MPC2: variants seen among roughly 807,000 people sequenced by gnomAD.
MPC2 encodes the protein mitochondrial pyruvate carrier 2, also known as brain protein 44.
MPC2 carries 19 observed loss-of-function variants against 19.2 expected under a neutral mutation model. That is an observed-to-expected ratio of 0.99 (90% CI 0.69 to 1.45). MPC2 has a LOEUF of 1.45. Ranked by LOEUF, MPC2 falls within the 40% of genes most tolerant of loss-of-function variation. The pLI is 0.00. For synonymous variants in MPC2, 61 were observed against 54.3 expected (o/e 1.12, Z -0.54); for missense variants, 122 against 153.0 (o/e 0.80, Z 1.07).
chr1:167,935,609 C>CT, intron 2 of MPC2, 124 bp downstream of exon 2: 3 of 751,038 alleles, frequency 4.0e-6, no homozygotes, highest in Non-Finnish European at 6.8e-6. Context: ...GACGGCTTCA[C>CT]TTGAAGGGAA....
At chr1:167,933,145 G>A (rs550325416) in intron 2 of MPC2, among the ~76,000 whole-genome samples, 1 of 150,932 alleles carries the variant, frequency 6.6e-6, no homozygotes, top group East Asian at 1.9e-4. Flanking sequence ...ACTAAAATAT[G>A]TATCTATACA....
chr1:167,936,869 C>CCCCACGCGGTGGTCTCCCCT, intron 1 of MPC2, 70 bp downstream of exon 1: 1 of 1,503,634 alleles, frequency 6.7e-7, no homozygotes, highest in Non-Finnish European at 9.1e-7. Context: ...TCCTCCCCTC[C>CCCCACGCGGTGGTCTCCCCT]CCCACGCGGT....
intron 4 of MPC2, 56 bp downstream of exon 4, chr1:167,920,491 A>C (rs1470280889): frequency 3.8e-6 from 6 of 1,569,866 alleles, no homozygotes; most frequent in Non-Finnish European, 4.3e-6. Context: ...GATATAAAAG[A>C]AAACAAAAAT....
chr1:167,918,418 G>A, intron 5 of MPC2, 59 bp from the exon 6 acceptor site: 4 of 1,085,850 alleles, frequency 3.7e-6, no homozygotes, highest in Non-Finnish European at 4.1e-6. Context: ...TTTATGGTAA[G>A]GAGAGAATGG....
Position 167,920,078 on chromosome 1 carries a change from G to T in MPC2, c.248C>A (p.Ser83Ter). The part of the protein sequence containing the change: ...AVLMATGFIW[S>*]RYSLVIIPKN... ...TGGAATAATTACAAGTGAGTATCTTGACCAAATAAACCCTGTTGAAACAAA... is the reference window on the plus strand; with the variant it reads ...TGGAATAATTACAAGTGAGTATCTTTACCAAATAAACCCTGTTGAAACAAA... Residue 83 changes from serine (S) to a stop codon, truncating the protein, a stop_gained, in exon 5 of 6, where the codon TCA becomes TAA. Transcript: ENST00000271373. LOFTEE classifies it high-confidence loss of function. The T allele has an allele frequency of 6.2e-7, 1 of 1,608,774 alleles. No homozygotes were observed. Among genetic ancestry groups the T allele is most frequent in the Non-Finnish European group, 8.5e-7 (1 of 1,177,200 alleles).
chr1:167,924,965 C>T (rs1670696142), intron 2 of MPC2, among the ~76,000 whole-genome samples: 1 of 152,144 alleles, frequency 6.6e-6, no homozygotes, highest in East Asian at 1.9e-4. Flanking sequence ...TAACATTAAG[C>T]AGCAAAATTT....
At chr1:167,934,588 T>A (rs569135081) in intron 2 of MPC2, among the ~76,000 whole-genome samples, 139 of 152,346 alleles carry the variant, frequency 9.1e-4, no homozygotes, top group Admixed American at 2.9e-3. Context: ...GATGTTCAAT[T>A]CATTCCATTA....
At chr1:167,934,497 G>C (rs78979111) in intron 2 of MPC2, among the ~76,000 whole-genome samples, 4,514 of 152,242 alleles carry the variant, frequency 0.03, 199 homozygotes, top group African/African-American at 0.1. Context: ...TTTTAAATCA[G>C]TAACAAACTG....
At chr1:167,918,579 C>T (rs1330566817) in intron 5 of MPC2, among the ~76,000 whole-genome samples, 1 of 146,984 alleles carries the variant, frequency 6.8e-6, no homozygotes, top group East Asian at 2.0e-4. Context: ...ATAATAAGAG[C>T]ACAACTGCCA....
intron 2 of MPC2, among the ~76,000 whole-genome samples, chr1:167,933,052 T>C (rs1670956614): frequency 6.6e-6 from 1 of 151,906 alleles, no homozygotes. Flanking sequence ...TGGCAGATCA[T>C]GACATGCCAG....
rs1045641339 is a variant in MPC2 at position 167,931,542 on chromosome 1, T to C, written c.109+4191A>G. Reference sequence around the variant, plus strand: ...GTATTTAAACTTAATATATTAAATATACACTTAAGAATATATATGGACATA... The same window carrying C: ...GTATTTAAACTTAATATATTAAATACACACTTAAGAATATATATGGACATA... On this transcript the variant is annotated intron_variant, in intron 2 of 5. Coordinates refer to ENST00000271373, the MANE Select transcript of MPC2 (RefSeq NM_001143674.4). Among the ~76,000 whole-genome samples, 18 of 151,932 alleles carry C rather than the reference T, an allele frequency of 1.2e-4. No homozygotes were observed. In the South Asian group the frequency reaches 3.3e-3, roughly 28 times the overall value.
Position 167,918,163 on chromosome 1 carries a change from A to G in MPC2, c.*160T>C. 1 of 562,252 alleles carries G rather than the reference A, an allele frequency of 1.8e-6. No homozygotes were observed. The highest frequency in any genetic ancestry group is 3.1e-6 in the Non-Finnish European group (1 of 319,186). The allele number at this position is 562,252 out of a possible 1,614,324, so 34.8% of individuals were successfully genotyped here. A position where few individuals can be genotyped will look rare whatever the true frequency, so the allele number is the denominator to read the frequency against. On this transcript the variant is annotated 3_prime_UTR_variant, in exon 6 of 6. Coordinates refer to ENST00000271373, the MANE Select transcript of MPC2 (RefSeq NM_001143674.4). ...CCTTAAGTCATGTAGAGAGACTGTT[A>G]TTAAAAGTTTGCTGCATTTTTCTAT...
At chr1:167,920,687 T>A in intron 3 of MPC2, 56 bp from the exon 4 acceptor site, 1 of 1,514,732 alleles carries the variant, frequency 6.6e-7, no homozygotes, top group Non-Finnish European at 8.9e-7. Flanking sequence ...GTAATAGTTT[T>A]AACTTTAAAT....
rs1671354385 is a variant in MPC2, at chr1:167,937,029, G to T, written c.-148C>A. ...CCTGGGTGAGCGGGGGCCCCGGGGCGGAGGCGCTGAGGTCGCCGCCTAGAG... is the reference window on the plus strand; with the variant it reads ...CCTGGGTGAGCGGGGGCCCCGGGGCTGAGGCGCTGAGGTCGCCGCCTAGAG... On this transcript the variant is annotated 5_prime_UTR_variant, in exon 1 of 6. Coordinates refer to ENST00000271373, the MANE Select transcript of MPC2 (RefSeq NM_001143674.4). 1 of 1,594,494 alleles carries T rather than the reference G, an allele frequency of 6.3e-7. No individual in the cohort carries two copies. The highest frequency in any genetic ancestry group is 1.3e-5 in the African/African-American group (1 of 74,676).
intron 2 of MPC2, among the ~76,000 whole-genome samples, chr1:167,925,472 T>TATATAC (rs1557854114): frequency 3.9e-5 from 4 of 102,042 alleles, no homozygotes; most frequent in Non-Finnish European, 5.2e-5. Context: ...TATATATATA[T>TATATAC]ATACATATAC....
chr1:167,930,216 T>C (rs1670870166), intron 2 of MPC2, among the ~76,000 whole-genome samples: 1 of 152,202 alleles, frequency 6.6e-6, no homozygotes, highest in Non-Finnish European at 1.5e-5. Context: ...TTTTTAAAAA[T>C]GTTGACTGAA....
intron 2 of MPC2, among the ~76,000 whole-genome samples, chr1:167,928,301 T>G (rs951060457): frequency 2.0e-5 from 3 of 146,576 alleles, no homozygotes; most frequent in African/African-American, 7.6e-5. Context: ...TGAGCCGAGA[T>G]CGCACCACTG....
chr1:167,936,831 G>C (rs1571535304), intron 1 of MPC2, 108 bp downstream of exon 1: 5 of 1,262,500 alleles, frequency 4.0e-6, no homozygotes, highest in Non-Finnish European at 5.6e-6. Context: ...GGTGCGGCTC[G>C]GGTGTTGAAA....
chr1:167,936,189 A>C, intron 1 of MPC2: 1 of 272,410 alleles, frequency 3.7e-6, no homozygotes, highest in Non-Finnish European at 7.1e-6. Flanking sequence ...GCTGCCCGCC[A>C]TGATTGGCCC....
Sources: allele counts gnomAD v4.1 joint callset (sites outside exome capture counted in the v4.1 genomes callset), GRCh38; gene constraint gnomAD v4.1.1; transcripts MANE v1.5; gene names NCBI Gene and HGNC (gene_info 2026-07-23, HGNC 2026-07-21).